Variants in C14orf132 observed in about 807,000 individuals in gnomAD.
The protein encoded by C14orf132 is chromosome 14 open reading frame 132, also known as uncharacterized protein C14orf132.
C14orf132 carries 6 observed loss-of-function variants against 5.8 expected under a neutral mutation model. The observed-to-expected ratio is 1.03, with a 90% CI of 0.57 to 2.04. The LOEUF (loss-of-function observed/expected upper bound fraction) is 2.04. Ranked by LOEUF, C14orf132 falls within the 30% of genes most tolerant of loss-of-function variation. The probability of loss-of-function intolerance (pLI) is 0.00; values close to 1 mark genes in which losing one functional copy is unlikely to be tolerated. For missense variants in C14orf132, 125 were observed against 115.8 expected (o/e 1.08, Z -0.37); for synonymous variants, 51 against 49.8 (o/e 1.02, Z -0.10).
rs1423361296 is a variant in C14orf132 at position 96,049,632 on chromosome 14, A to G, written c.27+10105A>G. ...TATACATATATACGTATATATATAC[A>G]TATATACGTATATATATATATAGAG... On this transcript the variant is annotated intron_variant, in intron 1 of 1. Transcript: ENST00000555004. 8.5e-4 allele frequency among the ~76,000 whole-genome samples: 54 copies of G among 63,682 alleles called. 7 individuals are homozygous for G. Among genetic ancestry groups the G allele is most frequent in the African/African-American group, 4.5e-3 (47 of 10,424 alleles). 41.8% of individuals were successfully genotyped at this position (63,682 alleles called of 152,430 possible).
rs973363757 is a variant in C14orf132, at chr14:96,089,907, C to T, written c.*3172C>T. ...ACCATCTTGTTCTGCAAGGTGACCC[C>T]AGGCTCCCCAGGACAGGGGAGAGGG... On this transcript the variant is annotated 3_prime_UTR_variant, in exon 2 of 2. Transcript: ENST00000555004. The T allele has an allele frequency of 3.3e-5, 5 of 152,264 alleles. No homozygotes were observed. Among genetic ancestry groups the T allele is most frequent in the Non-Finnish European group, 7.3e-5 (5 of 68,120 alleles). The allele number at this position is 152,264 out of a possible 1,614,324, so 9.4% of individuals were successfully genotyped here.
rs775231183 is a variant in C14orf132, at chr14:96,090,610, C to G, written c.*3875C>G. The G allele has an allele frequency of 2.2e-6, 1 of 456,012 alleles. No individual in the cohort carries two copies. The highest frequency in any genetic ancestry group is 1.5e-5 in the South Asian group (1 of 64,556). The allele number at this position is 456,012 out of a possible 1,614,324, so 28.2% of individuals were successfully genotyped here. A position where few individuals can be genotyped will look rare whatever the true frequency, so the allele number is the denominator to read the frequency against. ...TTCCCCTTTCCCATGAAATCAAGGT[C>G]AAGAGGCAAATAAGACTCCCTGCTC... is the stretch of plus-strand genomic sequence containing the variant. On this transcript the variant is annotated 3_prime_UTR_variant, in exon 2 of 2. Coordinates refer to ENST00000555004, the MANE Select transcript of C14orf132 (RefSeq NM_001252507.3).
intron 1 of C14orf132, among the ~76,000 whole-genome samples, chr14:96,062,334 G>A (rs1340013510): frequency 2.0e-5 from 3 of 152,030 alleles, no homozygotes; most frequent in African/African-American, 7.3e-5. Flanking sequence ...CTGCACCCTG[G>A]CCTGAACCCC....
intron 1 of C14orf132, among the ~76,000 whole-genome samples, chr14:96,073,634 A>G (rs1208181792): frequency 6.6e-6 from 1 of 152,230 alleles, no homozygotes; most frequent in Non-Finnish European, 1.5e-5. Context: ...GCAGTTCCTC[A>G]AAGATCTAGA....
intron 1 of C14orf132, among the ~76,000 whole-genome samples, chr14:96,073,616 A>C (rs1192758044): frequency 6.6e-6 from 1 of 152,234 alleles, no homozygotes; most frequent in African/African-American, 2.4e-5. Flanking sequence ...GTTTTGGAAG[A>C]CTGTGTGGCA....
chr14:96,054,074 G>A (rs1396652652), intron 1 of C14orf132, among the ~76,000 whole-genome samples: 1 of 152,150 alleles, frequency 6.6e-6, no homozygotes, highest in African/African-American at 2.4e-5. Flanking sequence ...GGTGGTGGAA[G>A]TTCTGACTCG....
At position 96,089,896 on chromosome 14, in the gene C14orf132, C is replaced by T. The variant is rs1437536016; in HGVS notation, c.*3161C>T. 1 of 152,272 alleles carries T rather than the reference C, an allele frequency of 6.6e-6. No individual in the cohort carries two copies. The highest frequency in any genetic ancestry group is 1.5e-5 in the Non-Finnish European group (1 of 68,108). 9.4% of individuals were successfully genotyped at this position (152,272 alleles called of 1,614,324 possible). ...AGAGTCCTGGGACCATCTTGTTCTGCAAGGTGACCCCAGGCTCCCCAGGAC... is the reference window on the plus strand; with the variant it reads ...AGAGTCCTGGGACCATCTTGTTCTGTAAGGTGACCCCAGGCTCCCCAGGAC... On this transcript the variant is annotated 3_prime_UTR_variant, in exon 2 of 2. Transcript: ENST00000555004.
At chr14:96,045,235 A>G (rs1452194407) in intron 1 of C14orf132, among the ~76,000 whole-genome samples, 2 of 152,190 alleles carry the variant, frequency 1.3e-5, no homozygotes, top group African/African-American at 4.8e-5. Context: ...ATGGGGGTAA[A>G]CACAGGGGCT....
chr14:96,045,315 G>C (rs761244926), intron 1 of C14orf132, among the ~76,000 whole-genome samples: 2 of 152,204 alleles, frequency 1.3e-5, no homozygotes, highest in African/African-American at 4.8e-5. Context: ...GATGCATGGC[G>C]GTTATGCAGA....
At chr14:96,064,612 G>T (rs1342618690) in intron 1 of C14orf132, among the ~76,000 whole-genome samples, 2 of 151,796 alleles carry the variant, frequency 1.3e-5, no homozygotes, top group African/African-American at 4.9e-5. Flanking sequence ...ACTGGTATGT[G>T]GGAGCTAAGC....
intron 1 of C14orf132, among the ~76,000 whole-genome samples, chr14:96,061,416 G>A (rs1006848957): frequency 1.3e-5 from 2 of 152,262 alleles, no homozygotes; most frequent in Non-Finnish European, 2.9e-5. Flanking sequence ...TTAGTTCATA[G>A]GTTCATTTAA....
intron 1 of C14orf132, among the ~76,000 whole-genome samples, chr14:96,058,339 T>C (rs10139348): frequency 0.53 from 81,043 of 151,880 alleles, 22,553 homozygotes; most frequent in East Asian, 0.72. Flanking sequence ...TCCTTAATGA[T>C]GCCATTTCTA....
intron 1 of C14orf132, among the ~76,000 whole-genome samples, chr14:96,083,148 G>A (rs527767243): frequency 1.3e-4 from 20 of 152,330 alleles, no homozygotes; most frequent in Admixed American, 4.6e-4. Context: ...ATGAAGTACC[G>A]CCTGTGGGGA....
rs965506048 is a variant in C14orf132 at position 96,039,972 on chromosome 14, G to A, written c.27+445G>A. On this transcript the variant is annotated intron_variant, in intron 1 of 1. Coordinates refer to ENST00000555004, the MANE Select transcript of C14orf132 (RefSeq NM_001252507.3). The surrounding 1 kb of genome is among the most constrained non-coding windows in gnomAD (Gnocchi z 5.3). ...AGGCGCCAGTAATCTGTCTCTTGCC[G>A]GTGACCTCGGGCGCCCCCTTTGCCG... Among the ~76,000 whole-genome samples the A allele has an allele frequency of 7.9e-5, 12 of 152,162 alleles. No individual in the cohort carries two copies. Among genetic ancestry groups the A allele is most frequent in the Non-Finnish European group, 1.2e-4 (8 of 68,002 alleles).
Position 96,070,596 on chromosome 14 carries a change from T to TCTCTCACACA in C14orf132, c.28-15914_28-15913insTCTCACACAC, listed in dbSNP as rs755530241. 1.7e-4 allele frequency among the ~76,000 whole-genome samples: 24 copies of TCTCTCACACA among 142,660 alleles called. 1 individual carries two copies. In the East Asian group the frequency reaches 2.7e-3, roughly 16 times the overall value. The allele number at this position is 142,660 out of a possible 152,430, so 93.6% of individuals were successfully genotyped here. ...GGTAGATGAAGTCTCTCTCTCTCTC[T>TCTCTCACACA]CACACACACACACACACACACACAC... On this transcript the variant is annotated intron_variant, in intron 1 of 1. Transcript: ENST00000555004.
chr14:96,070,596 T>TCACACA (rs77447486), intron 1 of C14orf132, among the ~76,000 whole-genome samples: 132 of 142,650 alleles, frequency 9.3e-4, no homozygotes, highest in Admixed American at 2.0e-3. Context: ...TCTCTCTCTC[T>TCACACA]CACACACACA....
chr14:96,081,528 T>C (rs1414898821), intron 1 of C14orf132, among the ~76,000 whole-genome samples: 1 of 152,264 alleles, frequency 6.6e-6, no homozygotes, highest in African/African-American at 2.4e-5. Context: ...ACTGTGATAC[T>C]GTGGAAGAGC....
intron 1 of C14orf132, among the ~76,000 whole-genome samples, chr14:96,061,939 T>TAAAC (rs923339555): frequency 2.6e-5 from 4 of 152,068 alleles, no homozygotes; most frequent in Non-Finnish European, 5.9e-5. Context: ...AATAAATAAA[T>TAAAC]AAACAAACAT....
Position 96,090,717 on chromosome 14 carries a change from A to G in C14orf132, c.*3982A>G. ...AGGGAGAAAGGATGGGAGGAGGGGC[A>G]GCAGCATTTCGCTGGAAAGGCAGCA... On this transcript the variant is annotated 3_prime_UTR_variant, in exon 2 of 2. Transcript: ENST00000555004. 1 of 456,100 alleles carries G rather than the reference A, an allele frequency of 2.2e-6. No homozygotes were observed. Among genetic ancestry groups the G allele is most frequent in the Admixed American group, 2.3e-5 (1 of 42,586 alleles). 28.3% of individuals were successfully genotyped at this position (456,100 alleles called of 1,614,324 possible).
Sources: allele counts gnomAD v4.1 joint callset (sites outside exome capture counted in the v4.1 genomes callset), GRCh38; gene constraint gnomAD v4.1.1; non-coding constraint Gnocchi (gnomAD v3.1); transcripts MANE v1.5; gene names NCBI Gene and HGNC (gene_info 2026-07-23, HGNC 2026-07-21).